The following RAPGEF1 variants were observed in gnomAD, a reference collection of about 807,000 sequenced individuals.
RAPGEF1 encodes Rap guanine nucleotide exchange factor 1.
Under a neutral mutation model 143.3 loss-of-function variants are expected in RAPGEF1, and 33 were observed. The ratio of observed to expected loss-of-function variants is 0.23; its 90% CI spans 0.17 to 0.31. RAPGEF1 has a LOEUF of 0.31. Ranked by LOEUF, RAPGEF1 falls within the 10% of genes least tolerant of loss-of-function variation. The pLI is 1.00. For synonymous variants in RAPGEF1, 629 were observed against 676.5 expected, an observed-to-expected ratio of 0.93 and a Z score of 1.09; for missense variants, 1,199 against 1,645.4, an observed-to-expected ratio of 0.73 and a Z score of 4.69.
At chr9:131,607,240 C>T (rs973848161) in intron 12 of RAPGEF1, among the ~76,000 whole-genome samples, 1 of 152,218 alleles carries the variant, frequency 6.6e-6, no homozygotes, top group Non-Finnish European at 1.5e-5. Context: ...CACTCAGGTA[C>T]CTGTACAAGT....
In RAPGEF1 at chr9:131,718,325, C is replaced by A. The variant is rs144442045; in HGVS notation, c.61+21445G>T. Among the ~76,000 whole-genome samples the A allele has an allele frequency of 3.3e-5, 5 of 152,292 alleles. No individual in the cohort carries two copies. In the East Asian group the frequency reaches 9.7e-4, roughly 29 times the overall value. On this transcript the variant is annotated intron_variant, in intron 1 of 26. Transcript: ENST00000683357. ...AGTCCAGGGCGCACACAGGCCACGT[C>A]GAGGACCTCGGATCGCTTCACATGT...
At chr9:131,712,147 CCT>C (rs1835553288) in intron 1 of RAPGEF1, among the ~76,000 whole-genome samples, 2 of 152,230 alleles carry the variant, frequency 1.3e-5, no homozygotes, top group Non-Finnish European at 2.9e-5. Context: ...GCAGAGGCTC[CCT>C]GTTTCCCTCA....
chr9:131,705,912 C>T (rs768829237), intron 1 of RAPGEF1, among the ~76,000 whole-genome samples: 7 of 152,166 alleles, frequency 4.6e-5, no homozygotes, highest in Non-Finnish European at 7.3e-5. Flanking sequence ...TGGAAACACA[C>T]GTAAATGATC....
intron 5 of RAPGEF1, among the ~76,000 whole-genome samples, chr9:131,634,445 G>T (rs1965770843): frequency 1.3e-5 from 2 of 152,020 alleles, no homozygotes; most frequent in East Asian, 1.9e-4. Flanking sequence ...GGGCGCGGTG[G>T]TTCACGCCTG....
intron 3 of RAPGEF1, among the ~76,000 whole-genome samples, chr9:131,646,480 A>G (rs1588723633): frequency 6.6e-6 from 1 of 152,348 alleles, no homozygotes; most frequent in East Asian, 1.9e-4. Context: ...CCCGTGGGCC[A>G]TATTCATTTC....
rs1588588108 is a variant in RAPGEF1 at position 131,629,243 on chromosome 9, A to C, written c.752T>G (p.Leu251Arg). ...CTCTACCTCGCGGTCTGTCAGGGGG[A>C]GCTCTGCTGGGCTGGAGAATTGGGA... ...PASKPDGPAE[L>R]PLTDREVEIL... The change falls in exon 7 of 27, where the codon CTC becomes CGC. Residue 251 changes from leucine to arginine, a missense_variant. This residue lies in a region of RAPGEF1 where 613 missense variants were observed against 710.9 expected (regional missense o/e 0.86). Coordinates refer to ENST00000683357, the MANE Select transcript of RAPGEF1 (RefSeq NM_001377935.1). 7 of 1,613,074 alleles carry C rather than the reference A, an allele frequency of 4.3e-6. No homozygotes were observed. Among genetic ancestry groups the C allele is most frequent in the Non-Finnish European group, 5.9e-6 (7 of 1,179,476 alleles).
chr9:131,607,789 A>G (rs550681057), intron 12 of RAPGEF1, among the ~76,000 whole-genome samples: 20 of 152,104 alleles, frequency 1.3e-4, no homozygotes, highest in Non-Finnish European at 2.6e-4. Context: ...GAGTCTTGAA[A>G]TAGCCTCATC....
intron 1 of RAPGEF1, among the ~76,000 whole-genome samples, chr9:131,674,737 C>G (rs933070650): frequency 6.6e-6 from 1 of 152,144 alleles, no homozygotes; most frequent in African/African-American, 2.4e-5. Flanking sequence ...AAGAGGGATC[C>G]CTAGAAGGAA....
Position 131,677,419 on chromosome 9 carries a change from T to A in RAPGEF1, c.62-26470A>T, listed in dbSNP as rs535963636. The stretch of plus-strand genomic sequence containing the variant: ...AATTAACATAAGCACAGGAATCAAC[T>A]GGAAAATTTCTAGAAGGAAATATAG... On this transcript the variant is annotated intron_variant, in intron 1 of 26. Transcript: ENST00000683357. 5.9e-5 allele frequency among the ~76,000 whole-genome samples: 9 copies of A among 152,334 alleles called. No individual in the cohort carries two copies. In the South Asian group the frequency reaches 8.3e-4, roughly 14 times the overall value.
intron 1 of RAPGEF1, among the ~76,000 whole-genome samples, chr9:131,723,010 A>T (rs1026073091): frequency 4.6e-5 from 7 of 152,240 alleles, no homozygotes; most frequent in Non-Finnish European, 8.8e-5. Context: ...CCTAGCCAAC[A>T]TAGTGAAACC....
At chr9:131,651,880 T>C (rs1180444158) in intron 1 of RAPGEF1, among the ~76,000 whole-genome samples, 3 of 152,252 alleles carry the variant, frequency 2.0e-5, no homozygotes, top group East Asian at 3.8e-4. Flanking sequence ...GAATAGCTCA[T>C]TGCTCTGAGG....
At chr9:131,717,057 G>T (rs1399187356) in intron 1 of RAPGEF1, among the ~76,000 whole-genome samples, 2 of 152,146 alleles carry the variant, frequency 1.3e-5, no homozygotes, top group East Asian at 3.8e-4. Flanking sequence ...CACAGCCTCG[G>T]GTCCCACAGC....
At chr9:131,631,068 G>A (rs1964706200) in intron 5 of RAPGEF1, among the ~76,000 whole-genome samples, 1 of 151,880 alleles carries the variant, frequency 6.6e-6, no homozygotes, top group Admixed American at 6.6e-5. Flanking sequence ...CAGCCAATCT[G>A]CCCCGCCCCA....
intron 1 of RAPGEF1, among the ~76,000 whole-genome samples, chr9:131,681,704 G>T (rs1026588084): frequency 6.6e-6 from 1 of 152,174 alleles, no homozygotes; most frequent in African/African-American, 2.4e-5. Context: ...GCTTTTGGGG[G>T]TCGGCGGCTG....
intron 5 of RAPGEF1, among the ~76,000 whole-genome samples, chr9:131,632,455 T>C (rs1965195883): frequency 6.6e-6 from 1 of 152,184 alleles, no homozygotes; most frequent in Admixed American, 6.5e-5. Context: ...AAAAGAATCC[T>C]GTCCAAGAAA....
intron 1 of RAPGEF1, among the ~76,000 whole-genome samples, chr9:131,700,399 TCCCCTTCC>T: frequency 6.6e-6 from 1 of 152,292 alleles, no homozygotes; most frequent in East Asian, 1.9e-4. Context: ...GTCCATCCTG[TCCCCTTCC>T]CTGGCTCCTC....
intron 1 of RAPGEF1, among the ~76,000 whole-genome samples, chr9:131,669,392 T>TCCCTGTAGGAGTCACCTCAAAAGTCCC (rs1830982896): frequency 6.6e-6 from 1 of 152,110 alleles, no homozygotes; most frequent in Non-Finnish European, 1.5e-5. Flanking sequence ...TCAAAAGTCC[T>TCCCTGTAGGAGTCACCTCAAAAGTCCC]TCCCTGTCAC....
At chr9:131,602,438 C>T (rs1956425241) in intron 14 of RAPGEF1, among the ~76,000 whole-genome samples, 1 of 152,210 alleles carries the variant, frequency 6.6e-6, no homozygotes, top group Non-Finnish European at 1.5e-5. Context: ...GTCATAGCCA[C>T]TCCCCCCGAG....
At chr9:131,663,470 T>TTA (rs1554849875) in intron 1 of RAPGEF1, among the ~76,000 whole-genome samples, 3 of 151,406 alleles carry the variant, frequency 2.0e-5, no homozygotes, top group African/African-American at 7.3e-5. Context: ...TTTTTTTTTT[T>TTA]AAATCCAAGA....
Sources: gnomAD v4.1 joint callset for allele counts (sites outside exome capture counted in the v4.1 genomes callset) on GRCh38, gnomAD v4.1.1 for gene constraint, gnomAD v4.1.1 regional missense constraint, MANE v1.5 for transcripts, NCBI Gene and HGNC (gene_info 2026-07-23, HGNC 2026-07-21) for gene names.